MACROD2: variants seen among roughly 807,000 people sequenced by gnomAD.
The protein encoded by MACROD2 is ADP-ribose glycohydrolase MACROD2.
In MACROD2, 36 loss-of-function variants were observed where a neutral mutation model predicts 70.4. That is an observed-to-expected ratio of 0.51 (90% CI 0.39 to 0.68). The LOEUF (loss-of-function observed/expected upper bound fraction) is 0.68, where lower values mean the gene tolerates loss of function less well. MACROD2 is among the 30% of genes least tolerant of loss of function. MACROD2 has a pLI of 0.00. For synonymous variants in MACROD2, 172 were observed against 178.8 expected (o/e 0.96, Z 0.30); for missense variants, 496 against 538.4 (o/e 0.92, Z 0.78).
intron 12 of MACROD2, among the ~76,000 whole-genome samples, chr20:15,947,189 T>C (rs1381663336): frequency 6.6e-6 from 1 of 152,030 alleles, no homozygotes; most frequent in Non-Finnish European, 1.5e-5. Context: ...CCTTCCTCAA[T>C]CTCAACTGCA....
chr20:15,998,819 C>T (rs770584180), intron 15 of MACROD2, among the ~76,000 whole-genome samples: 8 of 152,076 alleles, frequency 5.3e-5, no homozygotes, highest in Non-Finnish European at 7.4e-5. Context: ...CCGTCTCGGC[C>T]TCCCAAAGTG....
chr20:15,648,465 T>C (rs463172), intron 8 of MACROD2, among the ~76,000 whole-genome samples: 3,749 of 152,260 alleles, frequency 0.025, 185 homozygotes, highest in East Asian at 0.2. Flanking sequence ...TCCATTCTTA[T>C]CATTGTGGCC....
Position 14,805,762 on chromosome 20 carries a change from A to AT in MACROD2, c.418+120812dup, listed in dbSNP as rs778094229. Among the ~76,000 whole-genome samples, 345 of 151,408 alleles carry AT rather than the reference A, an allele frequency of 2.3e-3. 2 individuals carry two copies. The highest frequency in any genetic ancestry group is 0.01 in the Middle Eastern group (3 of 294). On this transcript the variant is annotated intron_variant, in intron 5 of 17. Coordinates refer to ENST00000684519, the MANE Select transcript of MACROD2 (RefSeq NM_001351661.2). ...GTCTAACAAGACTCATCTTCCGAAC[A>AT]TTTTTTTTTCCTCTCCTGGCTTTTA... is the stretch of plus-strand genomic sequence containing the variant.
At chr20:14,721,827 C>T (rs2071473369) in intron 5 of MACROD2, among the ~76,000 whole-genome samples, 1 of 152,152 alleles carries the variant, frequency 6.6e-6, no homozygotes, top group South Asian at 2.1e-4. Context: ...ATAGGCTTTT[C>T]CTTGTTACCT....
At chr20:15,126,944 T>C (rs1450055015) in intron 5 of MACROD2, among the ~76,000 whole-genome samples, 2 of 152,132 alleles carry the variant, frequency 1.3e-5, no homozygotes, top group African/African-American at 4.8e-5. Context: ...CATTTTGAAT[T>C]ACAGCACATG....
chr20:14,657,618 T>C (rs900387554), intron 4 of MACROD2, among the ~76,000 whole-genome samples: 1 of 152,216 alleles, frequency 6.6e-6, no homozygotes, highest in African/African-American at 2.4e-5. Context: ...ACAAGGGTAA[T>C]AGTATACGTC....
At chr20:14,788,245 G>T (rs777329920) in intron 5 of MACROD2, among the ~76,000 whole-genome samples, 1 of 152,064 alleles carries the variant, frequency 6.6e-6, no homozygotes, top group South Asian at 2.1e-4. Context: ...GCAGCCTCTG[G>T]GGATAAGCAG....
chr20:15,220,779 G>C (rs1490960512), intron 5 of MACROD2, among the ~76,000 whole-genome samples: 1 of 151,984 alleles, frequency 6.6e-6, no homozygotes, highest in Non-Finnish European at 1.5e-5. Context: ...AAATGGGGGG[G>C]GCTCTCCAGA....
chr20:14,137,909 C>T (rs78126095), intron 3 of MACROD2, among the ~76,000 whole-genome samples: 1,985 of 152,086 alleles, frequency 0.013, 16 homozygotes, highest in South Asian at 0.037. Context: ...AATAAGAAAC[C>T]TGTACAACTC....
At chr20:15,957,041 G>A (rs528804741) in intron 12 of MACROD2, among the ~76,000 whole-genome samples, 1 of 152,226 alleles carries the variant, frequency 6.6e-6, no homozygotes, top group South Asian at 2.1e-4. Flanking sequence ...ACACAGAAAA[G>A]GACAGGTTAT....
At chr20:16,045,740 A>G (rs1323471145) in intron 17 of MACROD2, among the ~76,000 whole-genome samples, 1 of 152,144 alleles carries the variant, frequency 6.6e-6, no homozygotes, top group Non-Finnish European at 1.5e-5. Context: ...GTTGAACTAT[A>G]AAGTAAATTC....
chr20:15,525,928 A>G (rs572119916), intron 8 of MACROD2, among the ~76,000 whole-genome samples: 2 of 152,328 alleles, frequency 1.3e-5, no homozygotes, highest in African/African-American at 4.8e-5. Context: ...ATCACATCCA[A>G]TGTAAAAAGC....
chr20:14,595,171 A>G (rs975057677), intron 4 of MACROD2, among the ~76,000 whole-genome samples: 1 of 152,166 alleles, frequency 6.6e-6, no homozygotes, highest in Non-Finnish European at 1.5e-5. Context: ...TTTTAATGAT[A>G]GTGTTGTAGG....
At chr20:16,036,140 T>C (rs550769180) in intron 15 of MACROD2, among the ~76,000 whole-genome samples, 28 of 152,110 alleles carry the variant, frequency 1.8e-4, no homozygotes, top group African/African-American at 6.3e-4. Flanking sequence ...TCAATACAAT[T>C]GAATCCAGAC....
chr20:15,651,664 A>T (rs561348095), intron 8 of MACROD2, among the ~76,000 whole-genome samples: 1 of 152,158 alleles, frequency 6.6e-6, no homozygotes, highest in East Asian at 1.9e-4. Context: ...TCATCCTCCC[A>T]TTATGTCTTG....
intron 5 of MACROD2, among the ~76,000 whole-genome samples, chr20:15,030,444 C>T (rs1351496390): frequency 6.6e-6 from 1 of 152,088 alleles, no homozygotes; most frequent in African/African-American, 2.4e-5. Flanking sequence ...TGCTTAATTG[C>T]CCTTCGGTAA....
chr20:14,193,056 C>T (rs551674827), intron 3 of MACROD2, among the ~76,000 whole-genome samples: 89 of 152,360 alleles, frequency 5.8e-4, no homozygotes, highest in African/African-American at 2.0e-3. Flanking sequence ...CTCCTGGCAC[C>T]TTCAGCCTGA....
At chr20:14,058,306 AACTT>A (rs1257401193) in intron 2 of MACROD2, among the ~76,000 whole-genome samples, 4 of 152,230 alleles carry the variant, frequency 2.6e-5, no homozygotes, top group African/African-American at 4.8e-5. Context: ...AATTCAGTGA[AACTT>A]AATCACGATT....
At chr20:14,862,221 AAATATATATAAATATATATTTATATATT>A (rs1453220074) in intron 5 of MACROD2, among the ~76,000 whole-genome samples, 4 of 21,128 alleles carry the variant, frequency 1.9e-4, no homozygotes, top group African/African-American at 4.3e-4. Flanking sequence ...ATATATATAT[AAATATATATAAATATATATTTATATATT>A]AATATATATA....
Sources: allele counts gnomAD v4.1 joint callset (sites outside exome capture counted in the v4.1 genomes callset), GRCh38; gene constraint gnomAD v4.1.1; transcripts MANE v1.5; gene names NCBI Gene and HGNC (gene_info 2026-07-23, HGNC 2026-07-21).